WDR49: variants seen among roughly 807,000 people sequenced by gnomAD.
The protein encoded by WDR49 is WD repeat domain 49.
A neutral mutation model predicts 119.5 loss-of-function variants in WDR49; 107 were observed. The observed-to-expected ratio is 0.90, with a 90% confidence interval of 0.77 to 1.05. The LOEUF (loss-of-function observed/expected upper bound fraction) is 1.05, where lower values mean the gene tolerates loss of function less well. Ranked by LOEUF, WDR49 falls within the 50% of genes least tolerant of loss-of-function variation. The pLI, the probability that WDR49 is intolerant of heterozygous loss-of-function variation, is 0.00. For missense variants in WDR49, 1,240 were observed against 1,220.5 expected (o/e 1.02, Z -0.24); for synonymous variants, 425 against 418.8 (o/e 1.01, Z -0.18).
upstream of WDR49, among the ~76,000 whole-genome samples, chr3:167,656,972 G>A (rs1002564356): frequency 2.0e-5 from 3 of 152,128 alleles, no homozygotes; most frequent in Admixed American, 6.5e-5. Flanking sequence ...AGAGTAAGCT[G>A]ATACATCCAT....
At chr3:167,657,304 T>A (rs1266531857), upstream of WDR49, among the ~76,000 whole-genome samples, 2 of 152,210 alleles carry the variant, frequency 1.3e-5, no homozygotes, top group African/African-American at 4.8e-5. Flanking sequence ...TATATTCTTT[T>A]TGTCTTAGTT....
intron 15 of WDR49, among the ~76,000 whole-genome samples, chr3:167,527,332 C>A (rs1055981644): frequency 1.2e-4 from 18 of 152,138 alleles, no homozygotes; most frequent in Admixed American, 1.2e-3. Context: ...AGAACAGTAC[C>A]CCACGTACAC....
At chr3:167,627,811 A>G (rs1430706156) in intron 2 of WDR49, among the ~76,000 whole-genome samples, 1 of 152,034 alleles carries the variant, frequency 6.6e-6, no homozygotes, top group Non-Finnish European at 1.5e-5. Flanking sequence ...TAGTACAGGC[A>G]TATCTCCTTT....
intron 15 of WDR49, among the ~76,000 whole-genome samples, chr3:167,525,323 T>C (rs1752595107): frequency 6.6e-6 from 1 of 152,138 alleles, no homozygotes; most frequent in Non-Finnish European, 1.5e-5. Flanking sequence ...CAATGGGGTT[T>C]TCTAAATATA....
intron 3 of WDR49, among the ~76,000 whole-genome samples, chr3:167,626,554 A>G (rs183106454): frequency 4.2e-4 from 64 of 152,156 alleles, no homozygotes; most frequent in African/African-American, 1.5e-3. Context: ...ATGCACTATA[A>G]TAGCCTCTCA....
Position 167,505,434 on chromosome 3 carries a change from A to G in WDR49, c.2775-18T>C. 6.6e-7 allele frequency: 1 copy of G among 1,510,604 alleles called. No individual in the cohort carries two copies. Among genetic ancestry groups the G allele is most frequent in the Non-Finnish European group, 8.8e-7 (1 of 1,138,290 alleles). 93.6% of individuals were successfully genotyped at this position (1,510,604 alleles called of 1,614,324 possible). On this transcript the variant is annotated intron_variant, in intron 16 of 18. Transcript: ENST00000682715. ...GTCTGACACTGGAAGAAAATATTTC[A>G]TGATGAAATACATTATTAACCACAG...
intron 7 of WDR49, among the ~76,000 whole-genome samples, chr3:167,590,527 G>C (rs1715052544): frequency 6.6e-6 from 1 of 151,998 alleles, no homozygotes; most frequent in Non-Finnish European, 1.5e-5. Flanking sequence ...AAGCCCTTGG[G>C]TCCTGGGCTT....
rs1356924914 is a variant in WDR49 at position 167,536,690 on chromosome 3, T to C, written c.1954+180A>G. Among the ~76,000 whole-genome samples the C allele has an allele frequency of 4.3e-5, 5 of 115,554 alleles. No homozygotes were observed. The South Asian group carries it at 1.3e-3, about 30-fold the overall frequency. The allele number at this position is 115,554 out of a possible 152,430, so 75.8% of individuals were successfully genotyped here. A position where few individuals can be genotyped will look rare whatever the true frequency, so the allele number is the denominator to read the frequency against. On this transcript the variant is annotated intron_variant, in intron 11 of 18. Transcript: ENST00000682715. ...GTAAGACCCCATCTCAAAATACATA[T>C]ATATATATATATATACACACACATA... is the stretch of plus-strand genomic sequence containing the variant.
At chr3:167,645,352 A>T (rs1015934007) in intron 2 of WDR49, among the ~76,000 whole-genome samples, 5 of 152,024 alleles carry the variant, frequency 3.3e-5, no homozygotes, top group Non-Finnish European at 7.4e-5. Flanking sequence ...CTGGGATTAC[A>T]GACACCTGCC....
intron 10 of WDR49, among the ~76,000 whole-genome samples, chr3:167,538,913 G>A (rs952690245): frequency 1.3e-5 from 2 of 152,102 alleles, no homozygotes; most frequent in African/African-American, 4.8e-5. Flanking sequence ...TTTTCGTTTA[G>A]TATATGATAA....
intron 7 of WDR49, among the ~76,000 whole-genome samples, chr3:167,600,179 C>T (rs139864086): frequency 2.0e-5 from 3 of 152,162 alleles, no homozygotes; most frequent in Non-Finnish European, 2.9e-5. Context: ...GGGTCTCTTT[C>T]GAAGTTGTGA....
intron 7 of WDR49, among the ~76,000 whole-genome samples, chr3:167,577,318 G>A (rs1010614070): frequency 2.0e-5 from 3 of 152,076 alleles, no homozygotes; most frequent in Non-Finnish European, 2.9e-5. Flanking sequence ...GGCTACTGAG[G>A]GAGTGAAAAA....
At chr3:167,520,371 A>G (rs1676746673) in intron 16 of WDR49, among the ~76,000 whole-genome samples, 1 of 152,174 alleles carries the variant, frequency 6.6e-6, no homozygotes, top group Non-Finnish European at 1.5e-5. Flanking sequence ...ATGTGATGGA[A>G]AGAAAAAAAA....
At chr3:167,543,542 T>C (rs1711971524) in intron 10 of WDR49, among the ~76,000 whole-genome samples, 1 of 151,894 alleles carries the variant, frequency 6.6e-6, no homozygotes, top group African/African-American at 2.4e-5. Flanking sequence ...ATAAATATCA[T>C]ATGATTATCT....
chr3:167,593,870 A>T (rs115146322), intron 7 of WDR49, among the ~76,000 whole-genome samples: 2 of 152,046 alleles, frequency 1.3e-5, no homozygotes, highest in Admixed American at 6.6e-5. Context: ...TTCTCATGAT[A>T]GTGAGGGAAT....
intron 3 of WDR49, among the ~76,000 whole-genome samples, chr3:167,621,990 A>T (rs1716895416): frequency 6.6e-6 from 1 of 152,132 alleles, no homozygotes; most frequent in African/African-American, 2.4e-5. Context: ...AAACTTTACA[A>T]ACCATGTTTT....
At chr3:167,627,384 C>T in intron 2 of WDR49, 92 bp from the exon 3 acceptor site, 1 of 1,129,412 alleles carries the variant, frequency 8.9e-7, no homozygotes, top group South Asian at 4.6e-5. Flanking sequence ...TGAATTTAAT[C>T]AGCAATTCTG....
chr3:167,651,044 T>G (rs1200738946), intron 2 of WDR49, among the ~76,000 whole-genome samples: 2 of 152,202 alleles, frequency 1.3e-5, no homozygotes, highest in African/African-American at 4.8e-5. Flanking sequence ...CACTAATTGC[T>G]TTATTCCTAA....
chr3:167,601,619 A>G (rs1438194548), intron 7 of WDR49, among the ~76,000 whole-genome samples: 5 of 152,000 alleles, frequency 3.3e-5, no homozygotes, highest in African/African-American at 4.8e-5. Flanking sequence ...TTTTTTTTCC[A>G]CCATATTTAA....
Sources: allele counts gnomAD v4.1 joint callset (sites outside exome capture counted in the v4.1 genomes callset), GRCh38; gene constraint gnomAD v4.1.1; transcripts MANE v1.5; gene names NCBI Gene and HGNC (gene_info 2026-07-23, HGNC 2026-07-21).